Variants in NCKAP1L observed in about 807,000 individuals in gnomAD.
The protein encoded by NCKAP1L is nck-associated protein 1-like.
In NCKAP1L, 53 loss-of-function variants were observed where a neutral mutation model predicts 139.2. That is an observed-to-expected ratio of 0.38 (90% confidence interval 0.31 to 0.48). The LOEUF (loss-of-function observed/expected upper bound fraction) is 0.48, where lower values mean the gene tolerates loss of function less well. Among genes scored for constraint, NCKAP1L ranks in the 20% least tolerant of loss-of-function variants. NCKAP1L has a pLI of 0.98. For synonymous variants in NCKAP1L, 468 were observed against 499.7 expected (o/e 0.94, Z 0.85); for missense variants, 1,151 against 1,381.9 (o/e 0.83, Z 2.65).
intron 18 of NCKAP1L, among the ~76,000 whole-genome samples, chr12:54,522,023 A>G (rs1956987881): frequency 6.6e-6 from 1 of 152,216 alleles, no homozygotes; most frequent in African/African-American, 2.4e-5. Flanking sequence ...TAAGGATTAA[A>G]TAGGGTATAT....
In NCKAP1L at chr12:54,517,008, G is replaced by T. The variant is rs1479973423; in HGVS notation, c.1095+16G>T. On this transcript the variant is annotated intron_variant, in intron 11 of 30. Coordinates refer to ENST00000293373, the MANE Select transcript of NCKAP1L (RefSeq NM_005337.5). The stretch of plus-strand genomic sequence containing the variant: ...GGGTCCTAAGGCAAGAGGAAGAAAT[G>T]TTGGGAGGGGAATGATGGCCAGTGA... 6.2e-7 allele frequency: 1 copy of T among 1,603,554 alleles called. No homozygotes were observed.
Position 54,508,393 on chromosome 12 carries a change from T to G in NCKAP1L, c.368T>G (p.Leu123Arg). The part of the protein sequence containing the change: ...DACQCHFDIN[L>R]NFDFTRSYLD... ...TCCTATGTATTTTCCTTGTAGAATC[T>G]CAACTTTGATTTCACTCGGAGTTAC... The change falls in exon 5 of 31, where the codon CTC becomes CGC. Residue 123 changes from leucine to arginine, a missense_variant. Transcript: ENST00000293373. The G allele has an allele frequency of 6.2e-7, 1 of 1,614,088 alleles. No homozygotes were observed. Among genetic ancestry groups the G allele is most frequent in the Non-Finnish European group, 8.5e-7 (1 of 1,179,950 alleles).
chr12:54,528,327 C>T lies in NCKAP1L; in HGVS notation c.2456C>T (p.Pro819Leu). The change falls in exon 22 of 31, where the codon CCC becomes CTC. Residue 819 changes from proline to leucine, a missense_variant. Physicochemically the swap from Pro to Leu is moderately conservative, Grantham distance 98. Transcript: ENST00000293373. ...SPAMQAFVSLPREGEQNFSAE... is the reference protein window; with the variant it reads ...SPAMQAFVSLLREGEQNFSAE... The stretch of plus-strand genomic sequence containing the variant: ...GCCATGCAGGCCTTCGTCAGCCTGC[C>T]CAGAGAAGGGGAGCAGAACTTCAGT... 6.2e-7 allele frequency: 1 copy of T among 1,613,920 alleles called. No individual in the cohort carries two copies. Among genetic ancestry groups the T allele is most frequent in the East Asian group, 2.2e-5 (1 of 44,854 alleles).
At chr12:54,499,229 T>G in intron 1 of NCKAP1L, 126 bp from the exon 2 acceptor site, 1 of 621,900 alleles carries the variant, frequency 1.6e-6, no homozygotes, top group African/African-American at 1.9e-5. Flanking sequence ...CAGCCTCTCA[T>G]GCTTTTTAAA....
chr12:54,542,437 GA>G (rs1477135519), intron 30 of NCKAP1L, 137 bp from the exon 31 acceptor site: 2 of 678,594 alleles, frequency 2.9e-6, no homozygotes, highest in African/African-American at 1.8e-5. Flanking sequence ...AGTGAGGGAA[GA>G]GGGGGGTGTG....
intron 9 of NCKAP1L, among the ~76,000 whole-genome samples, chr12:54,512,849 G>C (rs1956899858): frequency 6.6e-6 from 1 of 151,956 alleles, no homozygotes; most frequent in Non-Finnish European, 1.5e-5. Flanking sequence ...AAAGGTAGGG[G>C]AGTTGCTTGA....
At chr12:54,513,866 T>A (rs986580749) in intron 9 of NCKAP1L, among the ~76,000 whole-genome samples, 4 of 152,068 alleles carry the variant, frequency 2.6e-5, no homozygotes, top group African/African-American at 9.7e-5. Flanking sequence ...AAATACCAAT[T>A]TTTTTTCTGG....
rs762555299 is a variant in NCKAP1L, at chr12:54,532,223, G to T, written c.2835G>T (p.Glu945Asp). The change falls in exon 26 of 31, where the codon GAG becomes GAT. Residue 945 changes from glutamate (E) to aspartate (D), a missense_variant. Coordinates refer to ENST00000293373, the MANE Select transcript of NCKAP1L (RefSeq NM_005337.5). Reference protein sequence around the residue: ...FLMGPIECLKEFVTPDTDIKV... With the variant: ...FLMGPIECLKDFVTPDTDIKV... ...TGGGTCCCATTGAGTGCTTGAAGGA[G>T]TTTGTCACTCCAGACACAGACATCA... 3 of 1,613,376 alleles carry T rather than the reference G, an allele frequency of 1.9e-6. No individual in the cohort carries two copies. In the African/African-American group the frequency reaches 4.0e-5, roughly 22 times the overall value.
At chr12:54,500,507 A>ATTGTT (rs2120867366) in intron 2 of NCKAP1L, 26 bp from the exon 3 acceptor site, 1 of 1,514,938 alleles carries the variant, frequency 6.6e-7, no homozygotes, top group Non-Finnish European at 9.2e-7. Context: ...GCACTTTTTT[A>ATTGTT]TTGTTTTGTT....
At chr12:54,503,862 A>G (rs1328161358) in intron 3 of NCKAP1L, among the ~76,000 whole-genome samples, 5 of 152,040 alleles carry the variant, frequency 3.3e-5, no homozygotes, top group African/African-American at 1.2e-4. Flanking sequence ...GCTGGCCTCG[A>G]ACTCCTGACC....
intron 4 of NCKAP1L, among the ~76,000 whole-genome samples, 189 bp downstream of exon 4, chr12:54,508,098 A>G (rs1404386395): frequency 2.6e-5 from 4 of 152,322 alleles, no homozygotes; most frequent in Middle Eastern, 3.4e-3. Flanking sequence ...TTTACATGTT[A>G]AGCAGATCAG....
intron 22 of NCKAP1L, 126 bp from the exon 23 acceptor site, chr12:54,531,133 CT>C (rs1262710248): frequency 1.3e-6 from 1 of 772,552 alleles, no homozygotes; most frequent in Non-Finnish European, 2.1e-6. Flanking sequence ...GCTATTTTTG[CT>C]CCTTGACTTC....
chr12:54,516,105 G>T, intron 9 of NCKAP1L, 134 bp from the exon 10 acceptor site: 1 of 778,870 alleles, frequency 1.3e-6, no homozygotes, highest in Non-Finnish European at 2.2e-6. Context: ...AGTAGGGTTT[G>T]GAAAGATCCT....
chr12:54,526,516 T>A lies in NCKAP1L; in HGVS notation c.2157-12T>A, dbSNP rs759328582. On this transcript the variant is annotated splice_polypyrimidine_tract_variant and intron_variant, in intron 20 of 30. Transcript: ENST00000293373. ...GATTGTAATTCTAATTTTTTTTTTT[T>A]AAATCACCTAGAGCCATTGTGTGGC... The A allele has an allele frequency of 2.2e-4, 354 of 1,600,452 alleles. No homozygotes were observed. Among genetic ancestry groups the A allele is most frequent in the East Asian group, 1.0e-3 (45 of 44,836 alleles).
chr12:54,542,771 G>T lies in NCKAP1L; in HGVS notation c.*86G>T. ...AGCTGTGGTCACTTTCGCAGGGGGT[G>T]GGAATGGGGTGGGGTCACTAAGGAG... On this transcript the variant is annotated 3_prime_UTR_variant, in exon 31 of 31. Coordinates refer to ENST00000293373, the MANE Select transcript of NCKAP1L (RefSeq NM_005337.5). 2.5e-6 allele frequency: 2 copies of T among 789,586 alleles called. No individual in the cohort carries two copies. The highest frequency in any genetic ancestry group is 4.3e-6 in the Non-Finnish European group (2 of 463,542). 48.9% of individuals were successfully genotyped at this position (789,586 alleles called of 1,614,324 possible). A position where few individuals can be genotyped will look rare whatever the true frequency, so the allele number is the denominator to read the frequency against.
At position 54,508,489 on chromosome 12, in the gene NCKAP1L, T is replaced by A. The variant is rs747955355; in HGVS notation, c.464T>A (p.Ile155Asn). Residue 155 changes from isoleucine to asparagine, a missense_variant, in exon 5 of 31, where the codon ATT (isoleucine) becomes AAT (asparagine). Transcript: ENST00000293373. ...LSRIEDRRIL[I>N]GMYNCAHEML... ...CGGATTGAAGATCGGCGGATACTCA[T>A]TGGCATGTACAATTGTGCCCATGAG... The A allele has an allele frequency of 6.2e-7, 1 of 1,614,212 alleles. No homozygotes were observed. The highest frequency in any genetic ancestry group is 1.7e-5 in the Admixed American group (1 of 60,022).
chr12:54,512,816 G>T (rs1331896878), intron 9 of NCKAP1L, among the ~76,000 whole-genome samples: 1 of 151,934 alleles, frequency 6.6e-6, no homozygotes, highest in Non-Finnish European at 1.5e-5. Flanking sequence ...GTGTGTGTGT[G>T]TGTGTGCCTG....
At position 54,506,844 on chromosome 12, in the gene NCKAP1L, A is replaced by C. The variant is rs557392410; in HGVS notation, c.307-1009A>C. On this transcript the variant is annotated intron_variant, in intron 3 of 30. Transcript: ENST00000293373. ...ATATATTCCTTAATCTATCAATTTT[A>C]CTTTTTTAGAAATGAAAGTACCAAT... Among the ~76,000 whole-genome samples, 12 of 118,680 alleles carry C rather than the reference A, an allele frequency of 1.0e-4. No individual in the cohort carries two copies. In the East Asian group the frequency reaches 3.1e-3, roughly 31 times the overall value. 77.9% of individuals were successfully genotyped at this position (118,680 alleles called of 152,430 possible).
Position 54,533,838 on chromosome 12 carries a change from G to A in NCKAP1L, c.2863-1266G>A, listed in dbSNP as rs151197486. On this transcript the variant is annotated intron_variant, in intron 26 of 30. Coordinates refer to ENST00000293373, the MANE Select transcript of NCKAP1L (RefSeq NM_005337.5). ...GCCCACCTTGGCCTCCCAAAGTGCTGGGATTACAGGCATGAGCCATTGCTC... is the reference window on the plus strand; with the variant it reads ...GCCCACCTTGGCCTCCCAAAGTGCTAGGATTACAGGCATGAGCCATTGCTC... 7.2e-3 allele frequency among the ~76,000 whole-genome samples: 1,089 copies of A among 152,306 alleles called. 15 individuals carry two copies. Among genetic ancestry groups the A allele is most frequent in the African/African-American group, 0.025 (1,022 of 41,544 alleles).
Sources: gnomAD v4.1 joint callset for allele counts (sites outside exome capture counted in the v4.1 genomes callset) on GRCh38, gnomAD v4.1.1 for gene constraint, MANE v1.5 for transcripts, NCBI Gene and HGNC (gene_info 2026-07-23, HGNC 2026-07-21) for gene names.